PRUNE2: variants seen among roughly 807,000 people sequenced by gnomAD.
The protein encoded by PRUNE2 is prune homolog 2 with BCH domain.
Under a neutral mutation model 252.0 loss-of-function variants are expected in PRUNE2, and 164 were observed. That is an observed-to-expected ratio of 0.65 (90% CI 0.57 to 0.74). The LOEUF is 0.74. Among genes scored for constraint, PRUNE2 ranks in the 30% least tolerant of loss-of-function variants. The probability of loss-of-function intolerance (pLI) is 0.00; values close to 1 mark genes in which losing one functional copy is unlikely to be tolerated. For missense variants in PRUNE2, 3,495 were observed against 3,711.0 expected, an observed-to-expected ratio of 0.94 and a Z score of 1.51; for synonymous variants, 1,292 against 1,350.2, an observed-to-expected ratio of 0.96 and a Z score of 0.94.
At chr9:76,806,531 G>A (rs894273342) in intron 6 of PRUNE2, among the ~76,000 whole-genome samples, 30 of 142,514 alleles carry the variant, frequency 2.1e-4, no homozygotes, top group South Asian at 1.1e-3. Context: ...TTTTTGAGAC[G>A]GAGTTTCGCC....
At chr9:76,870,104 A>T (rs2061097614) in intron 1 of PRUNE2, among the ~76,000 whole-genome samples, 1 of 152,202 alleles carries the variant, frequency 6.6e-6, no homozygotes, top group Non-Finnish European at 1.5e-5. Flanking sequence ...GAATAAAAAA[A>T]TACATATCCA....
At chr9:76,693,439 C>CTTTT (rs550030416) in intron 9 of PRUNE2, among the ~76,000 whole-genome samples, 5 of 108,060 alleles carry the variant, frequency 4.6e-5, no homozygotes, top group African/African-American at 7.4e-5. Flanking sequence ...AGCACCTACT[C>CTTTT]TTTTTTTTTT....
rs575812794 is a variant in PRUNE2, at chr9:76,659,862, A to G, written c.8277-4360T>C. Among the ~76,000 whole-genome samples, 11 of 151,088 alleles carry G rather than the reference A, an allele frequency of 7.3e-5. No homozygotes were observed. In the South Asian group the frequency reaches 2.3e-3, roughly 31 times the overall value. ...TGATTTAAGTTACATAAAATAAATAACATATATAGAAAAAATTAAATATAA... is the reference window on the plus strand; with the variant it reads ...TGATTTAAGTTACATAAAATAAATAGCATATATAGAAAAAATTAAATATAA... On this transcript the variant is annotated intron_variant, in intron 9 of 18. Coordinates refer to ENST00000376718, the MANE Select transcript of PRUNE2 (RefSeq NM_015225.3).
chr9:76,722,008 A>T (rs1374821144), intron 6 of PRUNE2, among the ~76,000 whole-genome samples: 2 of 152,190 alleles, frequency 1.3e-5, no homozygotes, highest in Non-Finnish European at 2.9e-5. Context: ...TTTAATTGGT[A>T]AGCAAAGATA....
chr9:76,816,037 C>T (rs2057670949), intron 6 of PRUNE2, among the ~76,000 whole-genome samples: 2 of 151,784 alleles, frequency 1.3e-5, no homozygotes, highest in South Asian at 4.2e-4. Flanking sequence ...TGGCGGGCAC[C>T]TGTAATCCCA....
At chr9:76,679,144 T>C (rs1379356609) in intron 9 of PRUNE2, among the ~76,000 whole-genome samples, 2 of 152,212 alleles carry the variant, frequency 1.3e-5, no homozygotes, top group Non-Finnish European at 2.9e-5. Flanking sequence ...GTAACACTAC[T>C]TACTTAGAAA....
In PRUNE2 at chr9:76,652,562, GT is replaced by G; in HGVS notation, c.8477del (p.Asp2826AlafsTer71). 1 of 1,613,186 alleles carries G rather than the reference GT, an allele frequency of 6.2e-7. No homozygotes were observed. Among genetic ancestry groups the G allele is most frequent in the East Asian group, 2.2e-5 (1 of 44,870 alleles). Reference protein sequence around the residue: ...EGSILSDDNLDSPDEIDINVD... With the variant: ...EGSILSDDNLXSPDEIDINVD... ...CATTGATGTCAATTTCATCTGGACT[GT>G]CCAAGTTATCATCAGAGAGAATAGA... On this transcript the variant is annotated frameshift_variant, in exon 11 of 19. Transcript: ENST00000376718. LOFTEE classifies it high-confidence loss of function.
intron 6 of PRUNE2, among the ~76,000 whole-genome samples, chr9:76,755,082 G>C (rs931155334): frequency 6.7e-6 from 1 of 149,854 alleles, no homozygotes; most frequent in African/African-American, 2.5e-5. Context: ...TTATTCATTC[G>C]ACGATTAAAC....
At position 76,703,374 on chromosome 9, in the gene PRUNE2, ACT is replaced by A; in HGVS notation, c.8237_8238del (p.Glu2746ValfsTer3). ...GATATCCTGGTTCCGAGCTCAAGGA[ACT>A]CTGTCTCCTCCTCCATTTCCGTGTC... is the stretch of plus-strand genomic sequence containing the variant. ...IPDTEMEEET[E>X]FLELGTRISR... On this transcript the variant is annotated frameshift_variant, in exon 9 of 19. Transcript: ENST00000376718. LOFTEE classifies it high-confidence loss of function. The A allele has an allele frequency of 6.2e-7, 1 of 1,607,258 alleles. No homozygotes were observed. The highest frequency in any genetic ancestry group is 8.5e-7 in the Non-Finnish European group (1 of 1,176,416).
At chr9:76,829,309 G>C (rs1298049095) in intron 4 of PRUNE2, among the ~76,000 whole-genome samples, 2 of 152,092 alleles carry the variant, frequency 1.3e-5, no homozygotes, top group Admixed American at 1.3e-4. Context: ...AAGCCAATAG[G>C]CTGAAAAAAT....
intron 16 of PRUNE2, chr9:76,625,039 A>C (rs1287497551): frequency 1.5e-6 from 2 of 1,303,552 alleles, no homozygotes; most frequent in African/African-American, 1.5e-5. Context: ...CTTCTCTTAT[A>C]AGATCTCTCT....
At chr9:76,805,958 T>A (rs1012580008) in intron 6 of PRUNE2, among the ~76,000 whole-genome samples, 3 of 152,150 alleles carry the variant, frequency 2.0e-5, no homozygotes, top group Admixed American at 6.5e-5. Context: ...TTTTAGAAGA[T>A]AATTCATGTA....
At chr9:76,701,908 G>C (rs554357030) in intron 9 of PRUNE2, among the ~76,000 whole-genome samples, 6 of 152,042 alleles carry the variant, frequency 3.9e-5, no homozygotes, top group Admixed American at 2.6e-4. Context: ...CTAATTTTAC[G>C]CATGAGAAAA....
intron 1 of PRUNE2, chr9:76,868,838 G>GC (rs1491179926): frequency 5.2e-5 from 1 of 19,354 alleles, no homozygotes; most frequent in African/African-American, 3.3e-4. Context: ...CTTGGGGGGT[G>GC]GGGGGGGGGG....
intron 4 of PRUNE2, among the ~76,000 whole-genome samples, chr9:76,829,099 G>A (rs992741923): frequency 2.6e-5 from 4 of 151,158 alleles, no homozygotes; most frequent in East Asian, 1.9e-4. Flanking sequence ...TCTGCCTCTC[G>A]CTCTGATAGA....
intron 11 of PRUNE2, among the ~76,000 whole-genome samples, chr9:76,646,506 G>C (rs1348166134): frequency 2.6e-5 from 4 of 152,344 alleles, no homozygotes; most frequent in Admixed American, 1.3e-4. Context: ...GCATGCGGCA[G>C]CTTATCAAGG....
At chr9:76,639,820 C>T (rs1463038297) in intron 12 of PRUNE2, among the ~76,000 whole-genome samples, 3 of 152,154 alleles carry the variant, frequency 2.0e-5, no homozygotes, top group Non-Finnish European at 4.4e-5. Flanking sequence ...AAAGTGTGGC[C>T]ATTGAAACTC....
At chr9:76,804,360 C>A (rs2056785309) in intron 6 of PRUNE2, among the ~76,000 whole-genome samples, 1 of 152,184 alleles carries the variant, frequency 6.6e-6, no homozygotes, top group Non-Finnish European at 1.5e-5. Flanking sequence ...TTCAAAATTT[C>A]TTCTCTTTTC....
intron 1 of PRUNE2, among the ~76,000 whole-genome samples, chr9:76,860,206 GT>G (rs1250700254): frequency 6.6e-6 from 1 of 152,148 alleles, no homozygotes; most frequent in African/African-American, 2.4e-5. Context: ...AGTTACTTAG[GT>G]TTTACAATAG....
Sources: gnomAD v4.1 joint callset for allele counts (sites outside exome capture counted in the v4.1 genomes callset) on GRCh38, gnomAD v4.1.1 for gene constraint, MANE v1.5 for transcripts, NCBI Gene and HGNC (gene_info 2026-07-23, HGNC 2026-07-21) for gene names.